PTPRB: variants seen among roughly 807,000 people sequenced by gnomAD.
The protein encoded by PTPRB is protein tyrosine phosphatase receptor type B.
PTPRB carries 97 observed loss-of-function variants against 238.1 expected under a neutral mutation model. That is an observed-to-expected ratio of 0.41 (90% CI 0.35 to 0.48). PTPRB has a LOEUF of 0.48. Ranked by LOEUF, PTPRB falls within the 20% of genes least tolerant of loss-of-function variation. The pLI, the probability that PTPRB is intolerant of heterozygous loss-of-function variation, is 0.30. For synonymous variants in PTPRB, 970 were observed against 995.4 expected (o/e 0.97, Z 0.48); for missense variants, 2,292 against 2,681.9 (o/e 0.85, Z 3.21).
In PTPRB at chr12:70,569,713, C is replaced by A; in HGVS notation, c.3596G>T (p.Gly1199Val). Residue 1199 changes from glycine to valine, a missense_variant, in exon 14 of 34, where the codon GGG becomes GTG. By Grantham distance (109) the Gly-to-Val change is moderately radical. Coordinates refer to ENST00000334414, the MANE Select transcript of PTPRB (RefSeq NM_001109754.4). ...CACATTTATCTGATTCTTCAGGGACCCGCTGACTGAGGCAATCATGATCTG... is the reference window on the plus strand; with the variant it reads ...CACATTTATCTGATTCTTCAGGGACACGCTGACTGAGGCAATCATGATCTG... Reference protein sequence around the residue: ...QYQIMIASVSGSLKNQINVVG... With the variant: ...QYQIMIASVSVSLKNQINVVG... 1 of 1,613,898 alleles carries A rather than the reference C, an allele frequency of 6.2e-7. No individual in the cohort carries two copies. Among genetic ancestry groups the A allele is most frequent in the Non-Finnish European group, 8.5e-7 (1 of 1,179,886 alleles).
chr12:70,580,494 G>A (rs965226422), intron 10 of PTPRB, among the ~76,000 whole-genome samples: 5 of 152,154 alleles, frequency 3.3e-5, no homozygotes, highest in African/African-American at 9.7e-5. Context: ...TCTAGACATC[G>A]AGTGAGGAGT....
chr12:70,589,871 TATG>T (rs1882295693), intron 8 of PTPRB, 90 bp downstream of exon 8: 2 of 1,221,502 alleles, frequency 1.6e-6, no homozygotes, highest in South Asian at 2.9e-5. Context: ...AACACCAGGG[TATG>T]ATATTAGCAG....
chr12:70,611,154 G>A (rs1332036058), intron 3 of PTPRB, among the ~76,000 whole-genome samples: 2 of 152,164 alleles, frequency 1.3e-5, no homozygotes, highest in Non-Finnish European at 2.9e-5. Flanking sequence ...TCAGCGGGAA[G>A]GATGGCATAT....
At chr12:70,542,325 A>T (rs1223605477) in intron 22 of PTPRB, 2 of 152,356 alleles carry the variant, frequency 1.3e-5, no homozygotes, top group South Asian at 2.1e-4. Flanking sequence ...CATACCTGTA[A>T]TCCCAGCATT....
chr12:70,566,104 C>CA (rs1202144932), intron 15 of PTPRB, among the ~76,000 whole-genome samples: 1 of 152,068 alleles, frequency 6.6e-6, no homozygotes, highest in Non-Finnish European at 1.5e-5. Flanking sequence ...ATTTCAGTCC[C>CA]AAAAAACCAT....
intron 13 of PTPRB, among the ~76,000 whole-genome samples, chr12:70,570,493 C>T (rs529036239): frequency 5.9e-5 from 9 of 151,944 alleles, no homozygotes; most frequent in African/African-American, 1.9e-4. Flanking sequence ...ACTACAGGCA[C>T]GTAACACCGT....
chr12:70,615,654 T>C (rs1884646071), intron 3 of PTPRB, among the ~76,000 whole-genome samples: 1 of 152,210 alleles, frequency 6.6e-6, no homozygotes, highest in African/African-American at 2.4e-5. Flanking sequence ...ACACCACAGT[T>C]CCTGCCACCC....
intron 21 of PTPRB, among the ~76,000 whole-genome samples, chr12:70,546,719 G>A (rs1876023190): frequency 6.6e-6 from 1 of 152,178 alleles, no homozygotes. Flanking sequence ...TAGAATATGA[G>A]CTGCCTCCTA....
At chr12:70,593,693 G>A (rs1205024262) in intron 6 of PTPRB, among the ~76,000 whole-genome samples, 2 of 152,104 alleles carry the variant, frequency 1.3e-5, no homozygotes, top group South Asian at 2.1e-4. Context: ...TAAATGTACC[G>A]GTGTCCTCAA....
intron 4 of PTPRB, among the ~76,000 whole-genome samples, chr12:70,598,303 T>C (rs1415173285): frequency 6.6e-6 from 1 of 152,244 alleles, no homozygotes; most frequent in Non-Finnish European, 1.5e-5. Flanking sequence ...TTGAATATTA[T>C]ATAAAAAGTA....
chr12:70,635,585 A>AAAACAAACAAAC lies in PTPRB; in HGVS notation c.451+74_451+85dup, dbSNP rs143061370. Reference sequence around the variant, plus strand: ...GGGCATGTGGACTTCCCTTAAATGTAAAACAAACAAACAAACAAACAAACA... The same window carrying AAAACAAACAAAC: ...GGGCATGTGGACTTCCCTTAAATGTAAAACAAACAAACAAACAAACAAACAAACAAACAAACA... On this transcript the variant is annotated intron_variant, in intron 2 of 33. Transcript: ENST00000334414. 2.1e-6 allele frequency: 3 copies of AAAACAAACAAAC among 1,433,006 alleles called. No individual in the cohort carries two copies. The African/African-American group carries it at 4.4e-5, about 21-fold the overall frequency. The allele number at this position is 1,433,006 out of a possible 1,614,324, so 88.8% of individuals were successfully genotyped here.
chr12:70,615,804 C>A (rs1029820440), intron 3 of PTPRB, among the ~76,000 whole-genome samples: 1 of 152,166 alleles, frequency 6.6e-6, no homozygotes, highest in Non-Finnish European at 1.5e-5. Flanking sequence ...CCTAGGATAG[C>A]AGACAAATAA....
intron 3 of PTPRB, among the ~76,000 whole-genome samples, chr12:70,618,280 T>A (rs1284993446): frequency 1.3e-5 from 2 of 152,162 alleles, no homozygotes; most frequent in East Asian, 1.9e-4. Flanking sequence ...TTAATTTTTT[T>A]ATTTTTTCTT....
intron 23 of PTPRB, 121 bp downstream of exon 23, chr12:70,540,737 A>G: frequency 1.4e-6 from 1 of 731,950 alleles, no homozygotes; most frequent in East Asian, 2.7e-5. Context: ...TTGAGAAAAC[A>G]GTGACAATTT....
chr12:70,544,558 T>C lies in PTPRB; in HGVS notation c.5493A>G (p.Ser1831=). 2.5e-6 allele frequency: 4 copies of C among 1,602,082 alleles called. No individual in the cohort carries two copies. Among genetic ancestry groups the C allele is most frequent in the Non-Finnish European group, 3.4e-6 (4 of 1,169,866 alleles). The change falls in exon 22 of 34, where the codon TCA becomes TCG. Residue 1831 remains serine (S), a splice_region_variant and synonymous_variant. Coordinates refer to ENST00000334414, the MANE Select transcript of PTPRB (RefSeq NM_001109754.4). ...TFFSLPITTE[S]EPLFGAIEGV... ...ACATGATGTAAAGGTTAGCCTTACC[T>C]GATTCAGTAGTGATGGGTAAAGAAA...
chr12:70,538,901 A>T, intron 27 of PTPRB, 23 bp downstream of exon 27: 5 of 1,581,468 alleles, frequency 3.2e-6, no homozygotes, highest in Non-Finnish European at 4.3e-6. Flanking sequence ...AGACAGTATT[A>T]CAAATTTTGA....
In PTPRB at chr12:70,555,142, T is replaced by A; in HGVS notation, c.5143+18A>T. On this transcript the variant is annotated intron_variant, in intron 20 of 33. Transcript: ENST00000334414. ...GCAATTCTGTGTCTCAGAGTGGAGT[T>A]AACTCATGATAACTTACCATCAGCC... 6.2e-7 allele frequency: 1 copy of A among 1,610,870 alleles called. No individual in the cohort carries two copies. Among genetic ancestry groups the A allele is most frequent in the Non-Finnish European group, 8.5e-7 (1 of 1,178,216 alleles).
At chr12:70,610,773 G>A (rs1230827686) in intron 3 of PTPRB, among the ~76,000 whole-genome samples, 1 of 152,018 alleles carries the variant, frequency 6.6e-6, no homozygotes. Context: ...ACAGCTAACA[G>A]TTTTATCATC....
Position 70,587,181 on chromosome 12 carries a change from C to T in PTPRB, c.2137G>A (p.Glu713Lys), listed in dbSNP as rs1168570599. The part of the protein sequence containing the change: ...IMWQTPVAEW[E>K]KYIISLADRD... Reference sequence around the variant, plus strand: ...TCAGCTAGGGAAATGATGTATTTCTCCCATTCTGCTACAGGGGTCTGCCAC... The same window carrying T: ...TCAGCTAGGGAAATGATGTATTTCTTCCATTCTGCTACAGGGGTCTGCCAC... The change falls in exon 9 of 34, where the codon GAG becomes AAG. Residue 713 changes from glutamate to lysine, a missense_variant. Around this residue, in one of 4 missense-constraint regions of PTPRB, gnomAD observed 1,205 missense variants for 1,287.8 expected, o/e 0.94. Transcript: ENST00000334414. 6.2e-7 allele frequency: 1 copy of T among 1,613,676 alleles called. No homozygotes were observed.
Sources: gnomAD v4.1 joint callset for allele counts (sites outside exome capture counted in the v4.1 genomes callset) on GRCh38, gnomAD v4.1.1 for gene constraint, gnomAD v4.1.1 regional missense constraint, MANE v1.5 for transcripts, NCBI Gene and HGNC (gene_info 2026-07-23, HGNC 2026-07-21) for gene names.